CBLB: variants seen among roughly 807,000 people sequenced by gnomAD.
CBLB encodes E3 ubiquitin-protein ligase CBL-B.
A neutral mutation model predicts 104.9 loss-of-function variants in CBLB; 31 were observed. The ratio of observed to expected loss-of-function variants is 0.30; its 90% CI spans 0.22 to 0.40. The LOEUF is 0.40. Ranked by LOEUF, CBLB falls within the 10% of genes least tolerant of loss-of-function variation. The pLI is 1.00. For missense variants in CBLB, 1,062 were observed against 1,214.6 expected (o/e 0.87, Z 1.87); for synonymous variants, 440 against 422.6 (o/e 1.04, Z -0.51).
intron 4 of CBLB, among the ~76,000 whole-genome samples, chr3:105,766,296 C>T (rs755442049): frequency 6.6e-6 from 1 of 152,164 alleles, no homozygotes; most frequent in Non-Finnish European, 1.5e-5. Context: ...GCTGTGAACA[C>T]TGCTGATATT....
intron 3 of CBLB, among the ~76,000 whole-genome samples, chr3:105,820,339 A>G (rs2085660248): frequency 6.6e-6 from 1 of 152,178 alleles, no homozygotes; most frequent in Non-Finnish European, 1.5e-5. Context: ...CCAGTTCCTG[A>G]TATCGGTATC....
chr3:105,838,534 G>A (rs1307243440), intron 3 of CBLB, among the ~76,000 whole-genome samples: 1 of 152,002 alleles, frequency 6.6e-6, no homozygotes, highest in Non-Finnish European at 1.5e-5. Context: ...GGAGAAAGGG[G>A]CAGGATAAAA....
intron 4 of CBLB, among the ~76,000 whole-genome samples, chr3:105,774,747 C>G (rs1317434946): frequency 1.3e-5 from 2 of 151,984 alleles, no homozygotes; most frequent in Admixed American, 1.3e-4. Flanking sequence ...AAGTAAACTC[C>G]TCTCTTAAAA....
In CBLB at chr3:105,659,046, T is replaced by A. The variant is rs761190752; in HGVS notation, c.2873A>T (p.Asn958Ile). The A allele has an allele frequency of 6.2e-7, 1 of 1,614,038 alleles. No homozygotes were observed. The highest frequency in any genetic ancestry group is 1.1e-5 in the South Asian group (1 of 91,078). ...EVKRALEIAQ[N>I]NVEVARSILR... ...GATGCTCCGGGCAACTTCGACATTA[T>A]TCTGGGCTATCTCTAAGGCTCTCTT... Residue 958 changes from asparagine (N) to isoleucine (I), a missense_variant, in exon 19 of 19, where the codon AAT (asparagine) becomes ATT (isoleucine). Physicochemically the swap from Asn to Ile is moderately radical, Grantham distance 149. This residue lies in a region of CBLB where 605 missense variants were observed against 582.6 expected (regional missense o/e 1.04). Coordinates refer to ENST00000394030, the MANE Select transcript of CBLB (RefSeq NM_170662.5).
At chr3:105,865,826 C>T (rs772200462) in intron 2 of CBLB, among the ~76,000 whole-genome samples, 2 of 152,088 alleles carry the variant, frequency 1.3e-5, no homozygotes, top group South Asian at 2.1e-4. Flanking sequence ...ATTTGCTGTC[C>T]ACTTACGTAG....
At chr3:105,718,478 G>A (rs1255044558) in intron 10 of CBLB, among the ~76,000 whole-genome samples, 2 of 152,086 alleles carry the variant, frequency 1.3e-5, no homozygotes, top group African/African-American at 2.4e-5. Flanking sequence ...AGGAAAACTC[G>A]CACACAGCCC....
chr3:105,860,531 C>T (rs2092001125), intron 2 of CBLB, among the ~76,000 whole-genome samples: 1 of 152,172 alleles, frequency 6.6e-6, no homozygotes, highest in African/African-American at 2.4e-5. Context: ...AGCTTTACAA[C>T]CTTGGGCAGG....
At chr3:105,760,114 TGATA>T (rs1466479234) in intron 4 of CBLB, among the ~76,000 whole-genome samples, 1 of 152,242 alleles carries the variant, frequency 6.6e-6, no homozygotes, top group African/African-American at 2.4e-5. Context: ...TTTGTTCACA[TGATA>T]GATTTAATGC....
intron 3 of CBLB, among the ~76,000 whole-genome samples, chr3:105,836,949 A>G (rs2088612560): frequency 7.8e-6 from 1 of 128,866 alleles, no homozygotes; most frequent in Admixed American, 8.6e-5. Flanking sequence ...ATATGCTCAC[A>G]TCAAAACAAA....
chr3:105,773,941 G>T (rs568520264), intron 4 of CBLB, among the ~76,000 whole-genome samples: 1 of 152,316 alleles, frequency 6.6e-6, no homozygotes, highest in African/African-American at 2.4e-5. Flanking sequence ...GCTGGGCTTG[G>T]GCCCTGAGCA....
At chr3:105,742,818 A>T (rs1160839537) in intron 6 of CBLB, among the ~76,000 whole-genome samples, 1 of 152,204 alleles carries the variant, frequency 6.6e-6, no homozygotes, top group Admixed American at 6.5e-5. Flanking sequence ...TTCCAAATTT[A>T]TTCATATAGT....
intron 4 of CBLB, among the ~76,000 whole-genome samples, chr3:105,753,261 G>A (rs2076748439): frequency 6.6e-6 from 1 of 151,996 alleles, no homozygotes; most frequent in African/African-American, 2.4e-5. Flanking sequence ...GTTTCTCTAT[G>A]TATGAAAAAA....
intron 5 of CBLB, chr3:105,749,675 C>CT (rs570904791): frequency 3.3e-4 from 70 of 211,856 alleles, no homozygotes; most frequent in Middle Eastern, 1.4e-3. Context: ...TACTCTCTTC[C>CT]TTGACAAGGT....
chr3:105,765,310 C>G (rs1577002322), intron 4 of CBLB, among the ~76,000 whole-genome samples: 1 of 152,106 alleles, frequency 6.6e-6, no homozygotes, highest in Non-Finnish European at 1.5e-5. Flanking sequence ...ATATGTACCC[C>G]CTAAATAACC....
chr3:105,764,816 A>G (rs2078037752), intron 4 of CBLB, among the ~76,000 whole-genome samples: 1 of 152,232 alleles, frequency 6.6e-6, no homozygotes. Flanking sequence ...CAGTGAACAC[A>G]TGAATGATAA....
At chr3:105,689,598 G>C (rs964193664) in intron 13 of CBLB, among the ~76,000 whole-genome samples, 2 of 150,400 alleles carry the variant, frequency 1.3e-5, no homozygotes, top group Non-Finnish European at 3.0e-5. Context: ...TAATGCCTCT[G>C]TTCATTTGCC....
Position 105,783,025 on chromosome 3 carries a change from T to C in CBLB, c.420-6483A>G, listed in dbSNP as rs905004191. On this transcript the variant is annotated intron_variant, in intron 3 of 18. Coordinates refer to ENST00000394030, the MANE Select transcript of CBLB (RefSeq NM_170662.5). ...ACTTACAAATGCCTTACTTAAAACATGAAATAACATGCCAGCCTATGATGC... is the reference window on the plus strand; with the variant it reads ...ACTTACAAATGCCTTACTTAAAACACGAAATAACATGCCAGCCTATGATGC... 2.6e-5 allele frequency among the ~76,000 whole-genome samples: 4 copies of C among 152,232 alleles called. No individual in the cohort carries two copies. The East Asian group carries it at 5.8e-4, about 22-fold the overall frequency.
chr3:105,760,594 T>C (rs1301328771), intron 4 of CBLB, among the ~76,000 whole-genome samples: 1 of 151,616 alleles, frequency 6.6e-6, no homozygotes, highest in African/African-American at 2.4e-5. Context: ...ATCCTCCCTT[T>C]AGCAATGAGA....
At chr3:105,830,050 G>A (rs1199301742) in intron 3 of CBLB, among the ~76,000 whole-genome samples, 2 of 152,108 alleles carry the variant, frequency 1.3e-5, no homozygotes, top group African/African-American at 2.4e-5. Flanking sequence ...TGCCTTAGGT[G>A]TTATAAATGA....
Sources: allele counts gnomAD v4.1 joint callset (sites outside exome capture counted in the v4.1 genomes callset), GRCh38; gene constraint gnomAD v4.1.1; regional missense constraint gnomAD v4.1.1; transcripts MANE v1.5; gene names NCBI Gene and HGNC (gene_info 2026-07-23, HGNC 2026-07-21).